Variants in FBXL7 observed in about 807,000 individuals in gnomAD.
The protein encoded by FBXL7 is F-box/LRR-repeat protein 7.
FBXL7 carries 12 observed loss-of-function variants against 38.3 expected under a neutral mutation model. The ratio of observed to expected loss-of-function variants is 0.31; its 90% CI spans 0.20 to 0.51. FBXL7 has a LOEUF of 0.51. Ranked by LOEUF, FBXL7 falls within the 20% of genes least tolerant of loss-of-function variation. The pLI is 0.98. For missense variants in FBXL7, 567 were observed against 676.4 expected (o/e 0.84, Z 1.79); for synonymous variants, 297 against 300.9 (o/e 0.99, Z 0.13).
rs547107729 is a variant in FBXL7 at position 15,747,759 on chromosome 5, TC to T, written c.127+131689del. Among the ~76,000 whole-genome samples, 374 of 152,274 alleles carry T rather than the reference TC, an allele frequency of 2.5e-3. 2 individuals carry two copies. The highest frequency in any genetic ancestry group is 4.1e-3 in the Non-Finnish European group (280 of 68,028). On this transcript the variant is annotated intron_variant, in intron 2 of 3. Transcript: ENST00000504595. ...TAAGGGAATCGTGGGATCCAGGTTT[TC>T]CATCTGTAACTCATCCTCCCACTTA...
chr5:15,794,475 G>GA (rs397772736), intron 2 of FBXL7, among the ~76,000 whole-genome samples: 2 of 33,840 alleles, frequency 5.9e-5, no homozygotes, highest in African/African-American at 1.2e-4. Flanking sequence ...CCTAAGTTCA[G>GA]AACAACAAAT....
intron 2 of FBXL7, among the ~76,000 whole-genome samples, chr5:15,785,391 G>A (rs1332288268): frequency 6.6e-6 from 1 of 152,128 alleles, no homozygotes; most frequent in Non-Finnish European, 1.5e-5. Context: ...CCCCACTGTG[G>A]ACATCTCACA....
At chr5:15,526,125 T>G (rs1447097555) in intron 1 of FBXL7, among the ~76,000 whole-genome samples, 1 of 152,044 alleles carries the variant, frequency 6.6e-6, no homozygotes, top group Non-Finnish European at 1.5e-5. Flanking sequence ...GAGGGGAGCC[T>G]GGGTTTTGAG....
intron 2 of FBXL7, among the ~76,000 whole-genome samples, chr5:15,804,080 A>G (rs1737642482): frequency 6.6e-6 from 1 of 152,206 alleles, no homozygotes; most frequent in Admixed American, 6.5e-5. Flanking sequence ...ATATTAAAAT[A>G]ATTAATCTTA....
At chr5:15,650,176 G>C (rs1288970042) in intron 2 of FBXL7, among the ~76,000 whole-genome samples, 1 of 152,150 alleles carries the variant, frequency 6.6e-6, no homozygotes, top group Non-Finnish European at 1.5e-5. Flanking sequence ...TGAGCTTACA[G>C]GGATATCTTA....
At chr5:15,718,720 G>C (rs1452624882) in intron 2 of FBXL7, among the ~76,000 whole-genome samples, 2 of 152,240 alleles carry the variant, frequency 1.3e-5, no homozygotes, top group African/African-American at 2.4e-5. Context: ...CAATTCTGCA[G>C]TGTTGAAAAA....
chr5:15,807,401 G>A (rs1322719928), intron 2 of FBXL7, among the ~76,000 whole-genome samples: 1 of 152,172 alleles, frequency 6.6e-6, no homozygotes, highest in Non-Finnish European at 1.5e-5. Context: ...TGTGCACTGG[G>A]AAGGAGATGA....
At chr5:15,522,291 C>A (rs1245904768) in intron 1 of FBXL7, among the ~76,000 whole-genome samples, 3 of 152,198 alleles carry the variant, frequency 2.0e-5, no homozygotes, top group Non-Finnish European at 4.4e-5. Flanking sequence ...CCCTGCCCCA[C>A]CATCTTCTGT....
At chr5:15,656,978 A>G (rs955574254) in intron 2 of FBXL7, among the ~76,000 whole-genome samples, 4 of 152,160 alleles carry the variant, frequency 2.6e-5, no homozygotes, top group African/African-American at 9.7e-5. Flanking sequence ...GATCTCATTC[A>G]TAATAATATT....
At chr5:15,883,056 G>T (rs1469349470) in intron 2 of FBXL7, among the ~76,000 whole-genome samples, 1 of 151,974 alleles carries the variant, frequency 6.6e-6, no homozygotes, top group Non-Finnish European at 1.5e-5. Context: ...CAAAATGGCA[G>T]CCAACTCCCA....
chr5:15,845,032 G>A (rs1561148942), intron 2 of FBXL7, among the ~76,000 whole-genome samples: 1 of 152,126 alleles, frequency 6.6e-6, no homozygotes, highest in South Asian at 2.1e-4. Context: ...CTTAGCCATC[G>A]GCCTTCTGTG....
At chr5:15,831,732 G>A (rs1357499609) in intron 2 of FBXL7, among the ~76,000 whole-genome samples, 2 of 152,136 alleles carry the variant, frequency 1.3e-5, no homozygotes, top group South Asian at 2.1e-4. Flanking sequence ...TTCAGAAAGT[G>A]GTGTAAATTC....
chr5:15,674,578 TATC>T (rs763640449), intron 2 of FBXL7, among the ~76,000 whole-genome samples: 15 of 152,290 alleles, frequency 9.8e-5, no homozygotes, highest in South Asian at 4.1e-4. Flanking sequence ...CAAAGTTCAT[TATC>T]ATAACTCATA....
At chr5:15,805,737 G>A (rs1737694660) in intron 2 of FBXL7, among the ~76,000 whole-genome samples, 1 of 152,120 alleles carries the variant, frequency 6.6e-6, no homozygotes, top group South Asian at 2.1e-4. Context: ...TTAATCACCG[G>A]ATTTTAAAAA....
intron 2 of FBXL7, among the ~76,000 whole-genome samples, chr5:15,820,462 T>G (rs1561139314): frequency 6.6e-6 from 1 of 152,256 alleles, no homozygotes; most frequent in South Asian, 2.1e-4. Flanking sequence ...CACTTAAACT[T>G]GGTGCAGCCT....
At chr5:15,722,739 G>A (rs369189781) in intron 2 of FBXL7, among the ~76,000 whole-genome samples, 7 of 152,062 alleles carry the variant, frequency 4.6e-5, no homozygotes, top group South Asian at 2.1e-4. Context: ...CCTGGCCAAC[G>A]TGGTGAAACC....
chr5:15,608,269 TAGC>T (rs772404655), intron 1 of FBXL7, among the ~76,000 whole-genome samples: 9 of 152,198 alleles, frequency 5.9e-5, no homozygotes, highest in African/African-American at 9.7e-5. Context: ...TTTTTTCTCA[TAGC>T]AGCCTCTCCC....
At chr5:15,527,617 A>G (rs1338234796) in intron 1 of FBXL7, among the ~76,000 whole-genome samples, 1 of 152,256 alleles carries the variant, frequency 6.6e-6, no homozygotes, top group Non-Finnish European at 1.5e-5. Flanking sequence ...AGCCAAAAGT[A>G]TAAAACTATA....
In FBXL7 at chr5:15,938,897, C is replaced by G; in HGVS notation, c.*1711C>G. 2.5e-6 allele frequency: 1 copy of G among 398,542 alleles called. No individual in the cohort carries two copies. Among genetic ancestry groups the G allele is most frequent in the East Asian group, 3.6e-5 (1 of 28,062 alleles). 24.7% of individuals were successfully genotyped at this position (398,542 alleles called of 1,614,324 possible). On this transcript the variant is annotated 3_prime_UTR_variant, in exon 4 of 4. Coordinates refer to ENST00000504595, the MANE Select transcript of FBXL7 (RefSeq NM_012304.5). ...GGCCCTTTCCCAGATTATTCTCTAG[C>G]CAAGCCCCACCTTTGTTACGTTGAA...
Sources: gnomAD v4.1 joint callset for allele counts (sites outside exome capture counted in the v4.1 genomes callset) on GRCh38, gnomAD v4.1.1 for gene constraint, MANE v1.5 for transcripts, NCBI Gene and HGNC (gene_info 2026-07-23, HGNC 2026-07-21) for gene names.